LDLRAD4: variants seen among roughly 807,000 people sequenced by gnomAD.
The protein encoded by LDLRAD4 is low density lipoprotein receptor class A domain containing 4.
In LDLRAD4, 5 loss-of-function variants were observed where a neutral mutation model predicts 17.0. The ratio of observed to expected loss-of-function variants is 0.29; its 90% CI spans 0.15 to 0.62. The LOEUF is 0.62. LDLRAD4 is among the 20% of genes least tolerant of loss of function. The pLI is 0.84. For synonymous variants in LDLRAD4, 168 were observed against 171.8 expected, an observed-to-expected ratio of 0.98 and a Z score of 0.17; for missense variants, 340 against 424.7, an observed-to-expected ratio of 0.80 and a Z score of 1.75.
intron 3 of LDLRAD4, chr18:13,612,638 T>C: frequency 6.2e-7 from 1 of 1,611,094 alleles, no homozygotes; most frequent in Non-Finnish European, 8.5e-7. Context: ...TGCCGGAAGC[T>C]GAAGGGATGC....
chr18:13,279,156 C>T (rs910663831), intron 1 of LDLRAD4, among the ~76,000 whole-genome samples: 1 of 152,170 alleles, frequency 6.6e-6, no homozygotes, highest in Non-Finnish European at 1.5e-5. Flanking sequence ...GATTGGCTCT[C>T]GGGAAGCTGG....
chr18:13,407,993 T>C (rs528892902), intron 2 of LDLRAD4, among the ~76,000 whole-genome samples: 7 of 152,350 alleles, frequency 4.6e-5, no homozygotes, highest in Admixed American at 4.6e-4. Context: ...GTCTTACAAC[T>C]ACAATTGTTT....
Position 13,529,686 on chromosome 18 carries a change from T to C in LDLRAD4, c.181+91302T>C, listed in dbSNP as rs189807196. 1.3e-4 allele frequency among the ~76,000 whole-genome samples: 20 copies of C among 152,328 alleles called. No individual in the cohort carries two copies. The East Asian group carries it at 2.5e-3, about 19-fold the overall frequency. On this transcript the variant is annotated intron_variant, in intron 3 of 5. Transcript: ENST00000359446. The stretch of plus-strand genomic sequence containing the variant: ...TGTGAAAAACACTGAAAAGAAAATA[T>C]AACTTTTGGATCAATAGCGATCCTA...
chr18:13,531,585 A>ACC (rs1340038856), intron 3 of LDLRAD4, among the ~76,000 whole-genome samples: 7 of 52,094 alleles, frequency 1.3e-4, no homozygotes, highest in African/African-American at 4.1e-4. Flanking sequence ...GCAAGACTCC[A>ACC]TCTTTTTTTT....
chr18:13,551,412 T>C (rs553402138), intron 3 of LDLRAD4, among the ~76,000 whole-genome samples: 1 of 152,318 alleles, frequency 6.6e-6, no homozygotes, highest in East Asian at 1.9e-4. Flanking sequence ...CCAGAACTGC[T>C]TGTTGACACA....
intron 3 of LDLRAD4, among the ~76,000 whole-genome samples, chr18:13,517,713 T>C (rs1419384496): frequency 1.3e-5 from 2 of 151,858 alleles, no homozygotes; most frequent in Non-Finnish European, 2.9e-5. Context: ...ATACTGTTCT[T>C]ATAATATGTC....
chr18:13,474,129 C>T (rs146979922), intron 3 of LDLRAD4, among the ~76,000 whole-genome samples: 1 of 152,254 alleles, frequency 6.6e-6, no homozygotes, highest in East Asian at 1.9e-4. Context: ...CCTTTGCCTT[C>T]GCCATGATTG....
chr18:13,290,140 T>C (rs1333377965), intron 1 of LDLRAD4, among the ~76,000 whole-genome samples: 1 of 152,212 alleles, frequency 6.6e-6, no homozygotes, highest in Admixed American at 6.5e-5. Flanking sequence ...CCTTTGCTGA[T>C]GGGGCACCCA....
intron 3 of LDLRAD4, among the ~76,000 whole-genome samples, chr18:13,511,962 A>G (rs915709297): frequency 3.3e-5 from 5 of 152,236 alleles, no homozygotes; most frequent in African/African-American, 1.2e-4. Flanking sequence ...GATGTACAAC[A>G]TCTGGGATGT....
Position 13,247,949 on chromosome 18 carries a change from CCG to C in LDLRAD4, c.-467+28963_-467+28964del, listed in dbSNP as rs201259925. On this transcript the variant is annotated intron_variant, in intron 1 of 5. Coordinates refer to the LDLRAD4 transcript ENST00000399848. ...AAAACCTGTCCAACTGCACACAGCG[CCG>C]CCCCCCGCCTTTTTTTTTTTTTTTT... 6.3e-4 allele frequency among the ~76,000 whole-genome samples: 18 copies of C among 28,534 alleles called. No individual in the cohort carries two copies. The South Asian group carries it at 0.013, about 20-fold the overall frequency. 18.7% of individuals were successfully genotyped at this position (28,534 alleles called of 152,430 possible).
intron 4 of LDLRAD4, among the ~76,000 whole-genome samples, chr18:13,639,445 A>C (rs558741273): frequency 6.6e-6 from 1 of 152,372 alleles, no homozygotes; most frequent in African/African-American, 2.4e-5. Flanking sequence ...AGGCTTCATC[A>C]GCAGCATGAG....
chr18:13,410,494 G>C (rs761254563), intron 2 of LDLRAD4, among the ~76,000 whole-genome samples: 17 of 152,174 alleles, frequency 1.1e-4, no homozygotes, highest in Non-Finnish European at 2.2e-4. Flanking sequence ...AAAGTAAGAA[G>C]TTTACAGAAA....
chr18:13,640,756 C>T (rs1042223212), intron 4 of LDLRAD4, among the ~76,000 whole-genome samples: 2 of 152,144 alleles, frequency 1.3e-5, no homozygotes, highest in Non-Finnish European at 2.9e-5. Flanking sequence ...CTCTGCACCC[C>T]TTTCCTGGCC....
At chr18:13,474,635 G>C (rs952463688) in intron 3 of LDLRAD4, among the ~76,000 whole-genome samples, 1 of 152,238 alleles carries the variant, frequency 6.6e-6, no homozygotes, top group Non-Finnish European at 1.5e-5. Flanking sequence ...TGGAAGTGAA[G>C]CCAGTGCCTG....
rs187916632 is a variant in LDLRAD4 at position 13,239,275 on chromosome 18, G to A, written c.-467+20287G>A. On this transcript the variant is annotated intron_variant, in intron 1 of 5. Coordinates refer to the LDLRAD4 transcript ENST00000399848. ...AAGCCTGCGGTTGGAGGGGCCTGGC[G>A]TTAGGGAGAGGACACTGGAAATGTT... Among the ~76,000 whole-genome samples, 26 of 152,194 alleles carry A rather than the reference G, an allele frequency of 1.7e-4. No individual in the cohort carries two copies. In the South Asian group the frequency reaches 1.9e-3, roughly 11 times the overall value.
chr18:13,279,671 G>A (rs970042926), intron 1 of LDLRAD4: 2 of 152,210 alleles, frequency 1.3e-5, no homozygotes, highest in Admixed American at 1.3e-4. Flanking sequence ...TTCAAAATTG[G>A]TAATGGAAAA....
chr18:13,496,556 T>A (rs2093473849), intron 3 of LDLRAD4, among the ~76,000 whole-genome samples: 1 of 152,222 alleles, frequency 6.6e-6, no homozygotes, highest in Non-Finnish European at 1.5e-5. Context: ...ATTCAGCCTT[T>A]AAAGTACCCA....
intron 2 of LDLRAD4, chr18:13,420,639 C>G (rs1203939327): frequency 6.6e-6 from 1 of 152,268 alleles, no homozygotes; most frequent in Non-Finnish European, 1.5e-5. Context: ...ACCCTCAGTA[C>G]TGAACCCTAC....
At chr18:13,272,602 G>C (rs993456952) in intron 1 of LDLRAD4, among the ~76,000 whole-genome samples, 6 of 152,252 alleles carry the variant, frequency 3.9e-5, no homozygotes, top group African/African-American at 9.6e-5. Context: ...TGCTCCGTAT[G>C]TGTTCCTCGA....
Sources: gnomAD v4.1 joint callset for allele counts (sites outside exome capture counted in the v4.1 genomes callset) on GRCh38, gnomAD v4.1.1 for gene constraint, MANE v1.5 for transcripts, NCBI Gene and HGNC (gene_info 2026-07-23, HGNC 2026-07-21) for gene names.